Variants in ADGRF5 observed in about 807,000 individuals in gnomAD.
ADGRF5 encodes G-protein coupled receptor 116.
In ADGRF5, 75 loss-of-function variants were observed where a neutral mutation model predicts 132.3. The ratio of observed to expected loss-of-function variants is 0.57; its 90% CI spans 0.47 to 0.69. The LOEUF is 0.69. ADGRF5 is among the 30% of genes least tolerant of loss of function. The pLI, the probability that ADGRF5 is intolerant of heterozygous loss-of-function variation, is 0.00. For synonymous variants in ADGRF5, 629 were observed against 597.6 expected, an observed-to-expected ratio of 1.05 and a Z score of -0.77; for missense variants, 1,516 against 1,630.6, an observed-to-expected ratio of 0.93 and a Z score of 1.21.
At position 46,953,917 on chromosome 6, in the gene ADGRF5, G is replaced by C. The variant is rs532903088; in HGVS notation, c.-25+817C>G. On this transcript the variant is annotated intron_variant, in intron 1 of 20. Coordinates refer to the ADGRF5 transcript ENST00000265417. ...ATAAATTATTTCTCTTAGAGTAAAG[G>C]CTGGTTGTGAAGACAAAATGAAACA... Among the ~76,000 whole-genome samples, 5 of 151,798 alleles carry C rather than the reference G, an allele frequency of 3.3e-5. No individual in the cohort carries two copies. In the South Asian group the frequency reaches 1.0e-3, roughly 32 times the overall value.
chr6:46,949,261 G>A (rs1045623601), intron 1 of ADGRF5, among the ~76,000 whole-genome samples: 2 of 152,178 alleles, frequency 1.3e-5, no homozygotes, highest in African/African-American at 4.8e-5. Flanking sequence ...GAAAGCAAAG[G>A]CATGCTGAGA....
intron 20 of ADGRF5, chr6:46,854,764 G>A: frequency 7.8e-7 from 1 of 1,286,994 alleles, no homozygotes; most frequent in Non-Finnish European, 1.0e-6. Flanking sequence ...TCATGGCCTG[G>A]GGGGATCTTA....
At chr6:46,889,039 T>C (rs890605799) in intron 3 of ADGRF5, among the ~76,000 whole-genome samples, 1 of 152,002 alleles carries the variant, frequency 6.6e-6, no homozygotes, top group African/African-American at 2.4e-5. Context: ...AATTGGATAG[T>C]AAAATAAAAG....
rs909544099 is a variant in ADGRF5 at position 46,860,825 on chromosome 6, C to G, written c.2269G>C (p.Asp757His). Residue 757 changes from aspartate to histidine, a missense_variant, in exon 16 of 21, where the codon GAC becomes CAC. Physicochemically the swap from Asp to His is moderately conservative, Grantham distance 81. Around this residue, in one of 2 missense-constraint regions of ADGRF5, gnomAD observed 945 missense variants for 929.4 expected, o/e 1.02. Coordinates refer to ENST00000283296, the MANE Select transcript of ADGRF5 (RefSeq NM_001098518.2). ...GAGCTGATTTCATGTTCCGCTTTGT[C>G]TATGCTAATAGAAAGATCCTTCAGG... The part of the protein sequence containing the change: ...TYLKDLSISI[D>H]KAEHEISSSP... 2 of 1,613,730 alleles carry G rather than the reference C, an allele frequency of 1.2e-6. No homozygotes were observed. The highest frequency in any genetic ancestry group is 3.3e-5 in the Admixed American group (2 of 60,026).
chr6:46,894,031 T>C (rs1170655545), intron 3 of ADGRF5, among the ~76,000 whole-genome samples: 2 of 152,208 alleles, frequency 1.3e-5, no homozygotes, highest in Non-Finnish European at 2.9e-5. Flanking sequence ...AGAGCTTAAG[T>C]AGATGGGTAA....
chr6:46,884,227 C>T lies in ADGRF5; in HGVS notation c.373G>A (p.Gly125Ser). ...CACCTTTCCCGAGGCCACCCATAAC[C>T]TGTCTCGCAGGAGCACCAGATTTCA... is the stretch of plus-strand genomic sequence containing the variant. ...GNEIWCSCET[G>S]YGWPRERCLH... Residue 125 changes from glycine (G) to serine (S), a missense_variant, in exon 5 of 21, where the codon GGT (glycine) becomes AGT (serine). Physicochemically the swap from Gly to Ser is moderately conservative, Grantham distance 56. Transcript: ENST00000283296. The T allele has an allele frequency of 6.2e-7, 1 of 1,614,056 alleles. No homozygotes were observed. The highest frequency in any genetic ancestry group is 2.2e-5 in the East Asian group (1 of 44,888).
At chr6:46,954,890 C>A (rs73470884) in exon 1 of ADGRF5, 20,350 of 151,570 alleles carry the variant, frequency 0.13, 1,559 homozygotes, top group Admixed American at 0.22. Context: ...AATGCTGGGG[C>A]TCTTGCGGGT....
intron 1 of ADGRF5, among the ~76,000 whole-genome samples, chr6:46,920,119 T>G (rs952735833): frequency 6.6e-6 from 1 of 152,234 alleles, no homozygotes; most frequent in Non-Finnish European, 1.5e-5. Flanking sequence ...CTATTATCTA[T>G]CTAGTTAATT....
intron 1 of ADGRF5, among the ~76,000 whole-genome samples, chr6:46,907,361 TTTTA>T (rs1449253427): frequency 1.3e-5 from 2 of 152,018 alleles, no homozygotes; most frequent in East Asian, 1.9e-4. Flanking sequence ...GTTCTTTTTA[TTTTA>T]TTTATTTATT....
chr6:46,875,549 C>T (rs1771558446), intron 10 of ADGRF5, among the ~76,000 whole-genome samples: 1 of 151,988 alleles, frequency 6.6e-6, no homozygotes. Context: ...CTTTGGGAGG[C>T]CAAGGTGGGT....
At chr6:46,896,558 A>G (rs562485011) in intron 3 of ADGRF5, among the ~76,000 whole-genome samples, 2 of 152,326 alleles carry the variant, frequency 1.3e-5, no homozygotes, top group East Asian at 3.9e-4. Flanking sequence ...CTATTAAAAG[A>G]AAAATAAACA....
chr6:46,922,790 C>T (rs1162595232), upstream of ADGRF5, among the ~76,000 whole-genome samples: 1 of 152,206 alleles, frequency 6.6e-6, no homozygotes, highest in Non-Finnish European at 1.5e-5. Flanking sequence ...GAGTCCCATG[C>T]AGGTAGTCCC....
chr6:46,868,846 C>A (rs1242746432), intron 12 of ADGRF5, 37 bp downstream of exon 12: 2 of 1,330,862 alleles, frequency 1.5e-6, no homozygotes, highest in Admixed American at 3.6e-5. Context: ...TTCCAAGAGC[C>A]CAGGCAGCAC....
intron 1 of ADGRF5, among the ~76,000 whole-genome samples, chr6:46,935,084 A>G (rs1025957244): frequency 1.4e-5 from 2 of 146,296 alleles, no homozygotes; most frequent in African/African-American, 5.1e-5. Flanking sequence ...GCTCACTGCA[A>G]CCTCCGCCTC....
chr6:46,909,999 C>T (rs1383789910), intron 1 of ADGRF5, among the ~76,000 whole-genome samples: 1 of 138,086 alleles, frequency 7.2e-6, no homozygotes, highest in East Asian at 2.2e-4. Flanking sequence ...GAGCAAGACC[C>T]TATCTCTCAA....
At chr6:46,934,838 T>A (rs551307628) in intron 1 of ADGRF5, among the ~76,000 whole-genome samples, 1 of 152,272 alleles carries the variant, frequency 6.6e-6, no homozygotes, top group South Asian at 2.1e-4. Flanking sequence ...ACACTATTTA[T>A]TAAAAGGTAA....
chr6:46,853,926 A>T lies in ADGRF5; in HGVS notation c.*66T>A. ...GAGAACACGTTCCCCATTGCTTTGC[A>T]AGCATCTCTTTTTAAAAGCACAGCC... is the stretch of plus-strand genomic sequence containing the variant. On this transcript the variant is annotated 3_prime_UTR_variant, in exon 21 of 21. Transcript: ENST00000283296. The T allele has an allele frequency of 8.9e-7, 1 of 1,125,364 alleles. No homozygotes were observed. The highest frequency in any genetic ancestry group is 1.3e-6 in the Non-Finnish European group (1 of 764,720). The allele number at this position is 1,125,364 out of a possible 1,614,324, so 69.7% of individuals were successfully genotyped here. A position where few individuals can be genotyped will look rare whatever the true frequency, so the allele number is the denominator to read the frequency against.
Position 46,879,866 on chromosome 6 carries a change from T to C in ADGRF5, c.988A>G (p.Thr330Ala). 1 of 1,614,052 alleles carries C rather than the reference T, an allele frequency of 6.2e-7. No homozygotes were observed. Among genetic ancestry groups the C allele is most frequent in the Non-Finnish European group, 8.5e-7 (1 of 1,179,954 alleles). ...SIYTALFNNM[T>A]SVSKLTIHNI... ...TGGATGGTGAGCTTGGACACCGAAG[T>C]CATGTTGTTGAAAAGTGCGGTGTAA... The change falls in exon 9 of 21, where the codon ACT becomes GCT. Residue 330 changes from threonine to alanine, a missense_variant. Transcript: ENST00000283296.
intron 8 of ADGRF5, among the ~76,000 whole-genome samples, chr6:46,881,184 C>T (rs1581827268): frequency 6.6e-6 from 1 of 152,264 alleles, no homozygotes; most frequent in South Asian, 2.1e-4. Context: ...ATTAGTTTTA[C>T]TTTTTTTACT....
Sources: gnomAD v4.1 joint callset for allele counts (sites outside exome capture counted in the v4.1 genomes callset) on GRCh38, gnomAD v4.1.1 for gene constraint, gnomAD v4.1.1 regional missense constraint, MANE v1.5 for transcripts, NCBI Gene and HGNC (gene_info 2026-07-23, HGNC 2026-07-21) for gene names.